MANBA: variants seen among roughly 807,000 people sequenced by gnomAD.
The protein encoded by MANBA is beta-mannosidase.
Under a neutral mutation model 111.1 loss-of-function variants are expected in MANBA, and 83 were observed. That is an observed-to-expected ratio of 0.75 (90% CI 0.63 to 0.90). MANBA has a LOEUF of 0.90. MANBA is among the 40% of genes least tolerant of loss of function. The probability of loss-of-function intolerance (pLI) is 0.00; values close to 1 mark genes in which losing one functional copy is unlikely to be tolerated. For missense variants in MANBA, 1,036 were observed against 1,069.0 expected, an observed-to-expected ratio of 0.97 and a Z score of 0.43; for synonymous variants, 370 against 378.7, an observed-to-expected ratio of 0.98 and a Z score of 0.27.
intron 1 of MANBA, among the ~76,000 whole-genome samples, chr4:102,733,294 G>A (rs958782280): frequency 6.6e-6 from 1 of 151,524 alleles, no homozygotes; most frequent in Non-Finnish European, 1.5e-5. Context: ...AAACAGGGCA[G>A]TTTTTCCTGA....
chr4:102,693,776 T>C (rs1191099685), intron 5 of MANBA, among the ~76,000 whole-genome samples: 1 of 152,152 alleles, frequency 6.6e-6, no homozygotes, highest in Admixed American at 6.6e-5. Context: ...AAAAGTTTGC[T>C]AATCCCTGCC....
chr4:102,674,730 C>T (rs1209977285), intron 7 of MANBA, among the ~76,000 whole-genome samples: 2 of 152,176 alleles, frequency 1.3e-5, no homozygotes, highest in African/African-American at 2.4e-5. Context: ...GCCAGGTTTT[C>T]CCCCAGTTAA....
At chr4:102,640,009 T>G in intron 13 of MANBA, 152 bp from the exon 14 acceptor site, 2 of 796,562 alleles carry the variant, frequency 2.5e-6, no homozygotes, top group Non-Finnish European at 2.1e-6. Flanking sequence ...TAGGAATACA[T>G]TATACTAGAT....
At chr4:102,701,854 C>G (rs1420133758) in intron 5 of MANBA, among the ~76,000 whole-genome samples, 1 of 148,932 alleles carries the variant, frequency 6.7e-6, no homozygotes, top group Admixed American at 6.7e-5. Flanking sequence ...TTGCTCTTCT[C>G]GAGGAGTATC....
At chr4:102,689,730 CA>C in intron 6 of MANBA, 46 bp from the exon 7 acceptor site, 10 of 1,078,252 alleles carry the variant, frequency 9.3e-6, no homozygotes, top group South Asian at 2.5e-5. Flanking sequence ...ATATTTTCAG[CA>C]AAAAAGGCTC....
intron 7 of MANBA, among the ~76,000 whole-genome samples, chr4:102,685,151 G>A (rs1240279923): frequency 6.6e-6 from 1 of 152,112 alleles, no homozygotes; most frequent in Non-Finnish European, 1.5e-5. Flanking sequence ...GGGGAGGCTC[G>A]CAGAAGGGAG....
intron 13 of MANBA, among the ~76,000 whole-genome samples, chr4:102,650,214 A>G (rs756020245): frequency 2.2e-4 from 33 of 152,198 alleles, no homozygotes; most frequent in Admixed American, 2.6e-4. Context: ...TCTGGACTCT[A>G]TTGTGTTCCA....
chr4:102,670,154 CAAAAAAAAAAA>C (rs70937560), intron 9 of MANBA, among the ~76,000 whole-genome samples: 58,465 of 108,126 alleles, frequency 0.54, 12,889 homozygotes, highest in South Asian at 0.64. Context: ...GACTCCATAT[CAAAAAAAAAAA>C]AAAAAAAAAA....
In MANBA at chr4:102,742,030, C is replaced by T. The variant is rs377038137; in HGVS notation, c.178-15347G>A. ...ACCTTAATCTCAGGGCATGGTAATA[C>T]TATGAGACACCCCAAGGGATCTCCT... On this transcript the variant is annotated intron_variant, in intron 1 of 16. Coordinates refer to ENST00000647097, the MANE Select transcript of MANBA (RefSeq NM_005908.4). Among the ~76,000 whole-genome samples the T allele has an allele frequency of 7.7e-4, 117 of 152,284 alleles. 1 individual carries two copies. Among genetic ancestry groups the T allele is most frequent in the African/African-American group, 2.8e-3 (115 of 41,560 alleles).
intron 14 of MANBA, among the ~76,000 whole-genome samples, chr4:102,638,184 G>A (rs1268644505): frequency 6.6e-6 from 1 of 152,140 alleles, no homozygotes; most frequent in Non-Finnish European, 1.5e-5. Flanking sequence ...AACACTTTGG[G>A]AAGCTGAGGA....
intron 12 of MANBA, among the ~76,000 whole-genome samples, chr4:102,652,397 T>A (rs916152972): frequency 6.6e-6 from 1 of 152,194 alleles, no homozygotes; most frequent in Non-Finnish European, 1.5e-5. Flanking sequence ...TTGTAATAAT[T>A]TGAATCTATC....
rs1321387527 is a variant in MANBA at position 102,634,946 on chromosome 4, G to A, written c.2257C>T (p.Pro753Ser). Reference protein sequence around the residue: ...GGEAVCLYEEPVSELLRRCGN... With the variant: ...GGEAVCLYEESVSELLRRCGN... ...CATCTCCTCAGCAATTCAGACACTG[G>A]CTCCTCATAAAGGCAGACAGCCTCT... Residue 753 changes from proline to serine, a missense_variant, in exon 16 of 17, where the codon CCA becomes TCA. By Grantham distance (74) the Pro-to-Ser change is moderately conservative. Transcript: ENST00000647097. 6.2e-7 allele frequency: 1 copy of A among 1,614,168 alleles called. No individual in the cohort carries two copies. The highest frequency in any genetic ancestry group is 1.3e-5 in the African/African-American group (1 of 75,034).
intron 7 of MANBA, among the ~76,000 whole-genome samples, chr4:102,674,757 C>T (rs1459982408): frequency 6.6e-6 from 1 of 152,108 alleles, no homozygotes; most frequent in Non-Finnish European, 1.5e-5. Flanking sequence ...GCAGCAAGAC[C>T]CCAGATAGAG....
chr4:102,733,783 C>T (rs1296579602), intron 1 of MANBA, among the ~76,000 whole-genome samples: 1 of 152,152 alleles, frequency 6.6e-6, no homozygotes, highest in Non-Finnish European at 1.5e-5. Context: ...TTCCATGGCC[C>T]CATGAAAGTG....
chr4:102,664,673 A>G lies in MANBA; in HGVS notation c.1485+12T>C. ...ATTCTTAAATTCTACTGCATTAAAA[A>G]TCATTACTTACTGCCAGTACGAGCT... On this transcript the variant is annotated intron_variant, in intron 11 of 16. Coordinates refer to ENST00000647097, the MANE Select transcript of MANBA (RefSeq NM_005908.4). The G allele has an allele frequency of 6.2e-7, 1 of 1,603,026 alleles. No individual in the cohort carries two copies.
At chr4:102,749,217 G>A (rs1723698013) in intron 1 of MANBA, among the ~76,000 whole-genome samples, 1 of 152,198 alleles carries the variant, frequency 6.6e-6, no homozygotes, top group South Asian at 2.1e-4. Flanking sequence ...GGAGAATTGA[G>A]AGAAGAAATA....
intron 5 of MANBA, among the ~76,000 whole-genome samples, chr4:102,692,756 T>C (rs1047766843): frequency 1.3e-5 from 2 of 152,000 alleles, no homozygotes; most frequent in Non-Finnish European, 2.9e-5. Flanking sequence ...GTGGCTTCTA[T>C]TTTTCTCCAA....
rs927918838 is a variant in MANBA at position 102,760,784 on chromosome 4, C to G, written c.111G>C (p.Ser37=). ...GNWSICNGNG[S]LELPGAVPGC... is the part of the protein sequence containing the mutation. ...CAGGGACCGCCCCGGGCAGCTCCAG[C>G]GAGCCGTTCCCATTGCAGATGCTCC... is the stretch of plus-strand genomic sequence containing the variant. Residue 37 remains serine, a synonymous_variant, in exon 1 of 17, where the codon TCG becomes TCC. Coordinates refer to ENST00000647097, the MANE Select transcript of MANBA (RefSeq NM_005908.4). 1 of 1,552,126 alleles carries G rather than the reference C, an allele frequency of 6.4e-7. No individual in the cohort carries two copies. Among genetic ancestry groups the G allele is most frequent in the Non-Finnish European group, 8.7e-7 (1 of 1,148,378 alleles).
chr4:102,656,411 G>T (rs940216550), intron 12 of MANBA, among the ~76,000 whole-genome samples: 11 of 151,968 alleles, frequency 7.2e-5, no homozygotes, highest in African/African-American at 2.2e-4. Context: ...GAAATGTGAA[G>T]AAAAAAAGAA....
Sources: gnomAD v4.1 joint callset for allele counts (sites outside exome capture counted in the v4.1 genomes callset) on GRCh38, gnomAD v4.1.1 for gene constraint, MANE v1.5 for transcripts, NCBI Gene and HGNC (gene_info 2026-07-23, HGNC 2026-07-21) for gene names.